Variants in AGAP1 observed in about 807,000 individuals in gnomAD.
AGAP1 encodes arf-GAP with GTPase, ANK repeat and PH domain-containing protein 1.
A neutral mutation model predicts 105.3 loss-of-function variants in AGAP1; 29 were observed. That is an observed-to-expected ratio of 0.28 (90% CI 0.21 to 0.38). The LOEUF is 0.38. Ranked by LOEUF, AGAP1 falls within the 10% of genes least tolerant of loss-of-function variation. AGAP1 has a pLI of 1.00. For missense variants in AGAP1, 998 were observed against 1,165.1 expected, an observed-to-expected ratio of 0.86 and a Z score of 2.09; for synonymous variants, 509 against 485.9, an observed-to-expected ratio of 1.05 and a Z score of -0.63.
In AGAP1 at chr2:235,820,374, T is replaced by A. The variant is rs138068275; in HGVS notation, c.1050+13043T>A. Among the ~76,000 whole-genome samples, 771 of 152,364 alleles carry A rather than the reference T, an allele frequency of 5.1e-3. 7 individuals are homozygous for A. Among genetic ancestry groups the A allele is most frequent in the African/African-American group, 0.017 (726 of 41,584 alleles). ...TTACACAGAAGTGGTCACATTTTTT[T>A]AATCTGCAAAGAAGAAAGCTTTTGC... On this transcript the variant is annotated intron_variant, in intron 9 of 17. Coordinates refer to ENST00000304032, the MANE Select transcript of AGAP1 (RefSeq NM_001037131.3).
At position 236,104,919 on chromosome 2, in the gene AGAP1, A is replaced by G. The variant is rs565296685; in HGVS notation, c.2115-15273A>G. Among the ~76,000 whole-genome samples, 26 of 152,198 alleles carry G rather than the reference A, an allele frequency of 1.7e-4. No individual in the cohort carries two copies. The highest frequency in any genetic ancestry group is 5.3e-4 in the African/African-American group (22 of 41,536). ...TGTCTCAAGGAAAAAAAAAAGGACT[A>G]GCGTGCACAGAGCCCTCGAGGTACC... On this transcript the variant is annotated intron_variant, in intron 16 of 17. Transcript: ENST00000304032. The surrounding 1 kb of genome is among the most constrained non-coding windows in gnomAD (Gnocchi z 4.7).
chr2:235,541,174 A>T (rs1007254466), intron 1 of AGAP1, among the ~76,000 whole-genome samples: 4 of 152,094 alleles, frequency 2.6e-5, no homozygotes, highest in Non-Finnish European at 4.4e-5. Flanking sequence ...GTACACATAG[A>T]TTTGCCTCAC....
chr2:235,698,592 A>C lies in AGAP1; in HGVS notation c.164-10587A>C, dbSNP rs1950109769. On this transcript the variant is annotated intron_variant, in intron 1 of 17. Transcript: ENST00000304032. ...TAAAATGTTTTAAAGCATTCTCGAG[A>C]TCTGTTCAAAATTCTACGTCTTATA... Among the ~76,000 whole-genome samples the C allele has an allele frequency of 2.6e-5, 4 of 152,216 alleles. No individual in the cohort carries two copies. In the South Asian group the frequency reaches 8.3e-4, roughly 32 times the overall value.
rs558600627 is a variant in AGAP1 at position 235,964,093 on chromosome 2, C to A, written c.1484-4369C>A. On this transcript the variant is annotated intron_variant, in intron 12 of 17. Transcript: ENST00000304032. The surrounding 1 kb of genome is among the most constrained non-coding windows in gnomAD (Gnocchi z 4.6). Reference sequence around the variant, plus strand: ...ATGCTAGTTAGATTGAGATAAGCGACTGGCAGCCTCGTGCAGAAGGTCCTA... The same window carrying A: ...ATGCTAGTTAGATTGAGATAAGCGAATGGCAGCCTCGTGCAGAAGGTCCTA... Among the ~76,000 whole-genome samples, 83 of 152,242 alleles carry A rather than the reference C, an allele frequency of 5.5e-4. No homozygotes were observed. The highest frequency in any genetic ancestry group is 1.0e-3 in the Non-Finnish European group (70 of 68,038).
chr2:235,973,745 A>G lies in AGAP1; in HGVS notation c.1645+5122A>G, dbSNP rs563391947. On this transcript the variant is annotated intron_variant, in intron 13 of 17. Coordinates refer to ENST00000304032, the MANE Select transcript of AGAP1 (RefSeq NM_001037131.3). This position sits in a 1 kb window ranked among gnomAD's most constrained non-coding sequence, Gnocchi z 4.7. The stretch of plus-strand genomic sequence containing the variant: ...TATTAAAAGCTCTAGAAAAAGCTCT[A>G]CGAACCAGGGCCACCTGAGAGGGAG... Among the ~76,000 whole-genome samples, 1 of 152,258 alleles carries G rather than the reference A, an allele frequency of 6.6e-6. No homozygotes were observed. The highest frequency in any genetic ancestry group is 2.4e-5 in the African/African-American group (1 of 41,554).
chr2:235,582,393 A>G lies in AGAP1; in HGVS notation c.163+87544A>G, dbSNP rs1300215901. 1.3e-5 allele frequency among the ~76,000 whole-genome samples: 2 copies of G among 152,216 alleles called. No homozygotes were observed. The highest frequency in any genetic ancestry group is 2.9e-5 in the Non-Finnish European group (2 of 68,040). ...TTGCAGTGTGCTGGACAGGAGCCACACAGTGTAGAAGCGACTTGCCCTAAA... is the reference window on the plus strand; with the variant it reads ...TTGCAGTGTGCTGGACAGGAGCCACGCAGTGTAGAAGCGACTTGCCCTAAA... On this transcript the variant is annotated intron_variant, in intron 1 of 17. Transcript: ENST00000304032. This position sits in a 1 kb window ranked among gnomAD's most constrained non-coding sequence, Gnocchi z 4.7.
At chr2:235,546,454 G>A (rs927982489) in intron 1 of AGAP1, among the ~76,000 whole-genome samples, 3 of 152,150 alleles carry the variant, frequency 2.0e-5, no homozygotes, top group Non-Finnish European at 4.4e-5. Context: ...GGTTCCTGGC[G>A]TCCTATCAAG....
At position 236,105,674 on chromosome 2, in the gene AGAP1, ACGCCATTCTCCCG is replaced by A. The variant is rs1559281038; in HGVS notation, c.2115-14515_2115-14503del. ...GGGTTCACACCATTCTCCCGCGTTCACGCCATTCTCCCGCGTTCACGCCATTCTCCCACCTCAG... is the reference window on the plus strand; with the variant it reads ...GGGTTCACACCATTCTCCCGCGTTCACGTTCACGCCATTCTCCCACCTCAG... On this transcript the variant is annotated intron_variant, in intron 16 of 17. Coordinates refer to ENST00000304032, the MANE Select transcript of AGAP1 (RefSeq NM_001037131.3). This position sits in a 1 kb window ranked among gnomAD's most constrained non-coding sequence, Gnocchi z 4.2. Among the ~76,000 whole-genome samples the A allele has an allele frequency of 2.1e-4, 12 of 57,474 alleles. No homozygotes were observed. The highest frequency in any genetic ancestry group is 1.5e-3 in the Admixed American group (9 of 5,940). The allele number at this position is 57,474 out of a possible 152,430, so 37.7% of individuals were successfully genotyped here.
intron 1 of AGAP1, among the ~76,000 whole-genome samples, chr2:235,704,632 G>A (rs1276624692): frequency 6.6e-6 from 1 of 152,162 alleles, no homozygotes; most frequent in Admixed American, 6.5e-5. Flanking sequence ...GCAACAGAGC[G>A]AGACTCCGTC....
Position 235,746,377 on chromosome 2 carries a change from CTTTTTTTTTTTTTTTTT to C in AGAP1, c.538+1556_538+1572del, listed in dbSNP as rs1172393048. ...GCTTCCTGGAGAGCACCTCCCCCAA[CTTTTTTTTTTTTTTTTT>C]TTTTTTTTTTTTTTTTTAAAGCGTA... On this transcript the variant is annotated intron_variant, in intron 5 of 17. Coordinates refer to ENST00000304032, the MANE Select transcript of AGAP1 (RefSeq NM_001037131.3). 1.4e-4 allele frequency among the ~76,000 whole-genome samples: 8 copies of C among 55,562 alleles called. 1 individual carries two copies. Among genetic ancestry groups the C allele is most frequent in the Admixed American group, 2.6e-4 (1 of 3,844 alleles). The allele number at this position is 55,562 out of a possible 152,430, so 36.5% of individuals were successfully genotyped here. A position where few individuals can be genotyped will look rare whatever the true frequency, so the allele number is the denominator to read the frequency against.
intron 1 of AGAP1, among the ~76,000 whole-genome samples, chr2:235,554,800 G>A (rs534639292): frequency 6.6e-6 from 1 of 152,252 alleles, no homozygotes; most frequent in African/African-American, 2.4e-5. Flanking sequence ...CTCCCGTGTA[G>A]CTGGGATTAC....
intron 2 of AGAP1, among the ~76,000 whole-genome samples, chr2:235,710,890 C>T (rs1253251046): frequency 1.3e-5 from 2 of 152,154 alleles, no homozygotes; most frequent in Non-Finnish European, 2.9e-5. Context: ...TGGCTCTGTG[C>T]GGGTCGTGTT....
rs370094466 is a variant in AGAP1 at position 235,960,478 on chromosome 2, G to A, written c.1484-7984G>A. 3.3e-5 allele frequency among the ~76,000 whole-genome samples: 5 copies of A among 152,230 alleles called. No individual in the cohort carries two copies. The South Asian group carries it at 6.2e-4, about 19-fold the overall frequency. Reference sequence around the variant, plus strand: ...CTCCCTGTTGGTCCCATTCTCTGGGGTGGCTGGAGGTGGCCTGGGTATGCT... The same window carrying A: ...CTCCCTGTTGGTCCCATTCTCTGGGATGGCTGGAGGTGGCCTGGGTATGCT... On this transcript the variant is annotated intron_variant, in intron 12 of 17. Transcript: ENST00000304032. This position sits in a 1 kb window ranked among gnomAD's most constrained non-coding sequence, Gnocchi z 4.9.
At chr2:235,798,268 A>G (rs1317286346) in intron 7 of AGAP1, among the ~76,000 whole-genome samples, 1 of 152,180 alleles carries the variant, frequency 6.6e-6, no homozygotes, top group Non-Finnish European at 1.5e-5. Context: ...TGGTAGTGGC[A>G]TTCAATTATA....
intron 13 of AGAP1, among the ~76,000 whole-genome samples, chr2:236,023,740 C>T (rs181378705): frequency 8.9e-4 from 136 of 152,214 alleles, no homozygotes; most frequent in African/African-American, 3.1e-3. Context: ...ATCTCTGCAC[C>T]GTTGCGATAT....
chr2:235,772,707 A>G (rs1007913781), intron 6 of AGAP1, among the ~76,000 whole-genome samples: 11 of 152,240 alleles, frequency 7.2e-5, no homozygotes, highest in African/African-American at 1.9e-4. Flanking sequence ...AACACAAGGC[A>G]GAGAGTTCAT....
In AGAP1 at chr2:235,690,206, A is replaced by G. The variant is rs1363697306; in HGVS notation, c.164-18973A>G. ...GAGCCAGTCCAGTGGCTTCACTTTT[A>G]CCACTCAGAGAACTTTAGTACACAG... On this transcript the variant is annotated intron_variant, in intron 1 of 17. Coordinates refer to ENST00000304032, the MANE Select transcript of AGAP1 (RefSeq NM_001037131.3). This position sits in a 1 kb window ranked among gnomAD's most constrained non-coding sequence, Gnocchi z 4.1. 6.6e-6 allele frequency among the ~76,000 whole-genome samples: 1 copy of G among 151,854 alleles called. No homozygotes were observed. The highest frequency in any genetic ancestry group is 1.5e-5 in the Non-Finnish European group (1 of 67,996).
At position 236,005,266 on chromosome 2, in the gene AGAP1, C is replaced by T. The variant is rs2056281768; in HGVS notation, c.1646-31295C>T. On this transcript the variant is annotated intron_variant, in intron 13 of 17. Transcript: ENST00000304032. The surrounding 1 kb of genome is among the most constrained non-coding windows in gnomAD (Gnocchi z 4.1). ...ACTCAAGCGATTCTTGCCCCTCAGC[C>T]TCCCAAATAGCTGGGACTACAGGAG... Among the ~76,000 whole-genome samples the T allele has an allele frequency of 6.6e-6, 1 of 152,144 alleles. No homozygotes were observed. The highest frequency in any genetic ancestry group is 1.5e-5 in the Non-Finnish European group (1 of 68,030).
chr2:235,940,221 C>G (rs1461295183), intron 12 of AGAP1, among the ~76,000 whole-genome samples: 1 of 152,110 alleles, frequency 6.6e-6, no homozygotes. Flanking sequence ...TCCTGTACCT[C>G]CACCTCCTCT....
Sources: gnomAD v4.1 joint callset for allele counts (sites outside exome capture counted in the v4.1 genomes callset) on GRCh38, gnomAD v4.1.1 for gene constraint, Gnocchi (gnomAD v3.1) non-coding constraint, MANE v1.5 for transcripts, NCBI Gene and HGNC (gene_info 2026-07-23, HGNC 2026-07-21) for gene names.